Variants in PDGFD observed in about 807,000 individuals in gnomAD.
PDGFD encodes the protein platelet derived growth factor D, also known as platelet-derived growth factor D.
In PDGFD, 30 loss-of-function variants were observed where a neutral mutation model predicts 44.7. The observed-to-expected ratio is 0.67, with a 90% CI of 0.50 to 0.91. The LOEUF is 0.91. Ranked by LOEUF, PDGFD falls within the 40% of genes least tolerant of loss-of-function variation. The pLI is 0.00. For synonymous variants in PDGFD, 173 were observed against 168.4 expected (o/e 1.03, Z -0.21); for missense variants, 445 against 457.8 (o/e 0.97, Z 0.25).
At chr11:104,032,193 AAC>A (rs1265003206) in intron 1 of PDGFD, among the ~76,000 whole-genome samples, 7 of 151,896 alleles carry the variant, frequency 4.6e-5, no homozygotes, top group Non-Finnish European at 5.9e-5. Flanking sequence ...CAACAACAAC[AAC>A]AAAAATAATG....
Position 103,909,477 on chromosome 11 carries a change from T to A in PDGFD, c.*217A>T. 1 of 537,056 alleles carries A rather than the reference T, an allele frequency of 1.9e-6. No individual in the cohort carries two copies. The highest frequency in any genetic ancestry group is 2.4e-5 in the South Asian group (1 of 42,116). The allele number at this position is 537,056 out of a possible 1,614,324, so 33.3% of individuals were successfully genotyped here. A position where few individuals can be genotyped will look rare whatever the true frequency, so the allele number is the denominator to read the frequency against. On this transcript the variant is annotated 3_prime_UTR_variant, in exon 7 of 7. Transcript: ENST00000393158. The stretch of plus-strand genomic sequence containing the variant: ...GCATATATAACCTCAAACACTATTA[T>A]TAAATGCAATCCTATATTCTTAGGT...
At chr11:104,097,466 T>C (rs1175796799) in intron 1 of PDGFD, among the ~76,000 whole-genome samples, 1 of 152,122 alleles carries the variant, frequency 6.6e-6, no homozygotes, top group Non-Finnish European at 1.5e-5. Flanking sequence ...AAGGAAATAA[T>C]AGCACCTACC....
chr11:104,081,298 T>G (rs1861042106), intron 1 of PDGFD, among the ~76,000 whole-genome samples: 1 of 152,208 alleles, frequency 6.6e-6, no homozygotes, highest in Non-Finnish European at 1.5e-5. Context: ...AAAAGATTTA[T>G]GCATAATCCT....
rs1335509651 is a variant in PDGFD at position 104,119,429 on chromosome 11, AATATATTG to A, written c.124+44367_124+44374del. Among the ~76,000 whole-genome samples, 159 of 59,290 alleles carry A rather than the reference AATATATTG, an allele frequency of 2.7e-3. 40 individuals carry two copies. The highest frequency in any genetic ancestry group is 2.8e-3 in the Non-Finnish European group (99 of 34,864). 38.9% of individuals were successfully genotyped at this position (59,290 alleles called of 152,430 possible). Reference sequence around the variant, plus strand: ...AATATAATATATTGATATAATATATAATATATTGATATAATATATTGATATAATATATA... The same window carrying A: ...AATATAATATATTGATATAATATATAATATAATATATTGATATAATATATA... On this transcript the variant is annotated intron_variant, in intron 1 of 6. Transcript: ENST00000393158.
intron 3 of PDGFD, among the ~76,000 whole-genome samples, chr11:103,948,338 C>A (rs570473516): frequency 6.6e-6 from 1 of 152,132 alleles, no homozygotes; most frequent in African/African-American, 2.4e-5. Context: ...CTAAGTACTG[C>A]CCATTTGGGG....
At chr11:103,968,501 G>A (rs1032699436) in intron 3 of PDGFD, among the ~76,000 whole-genome samples, 1 of 151,960 alleles carries the variant, frequency 6.6e-6, no homozygotes, top group African/African-American at 2.4e-5. Flanking sequence ...TCTCTTCACC[G>A]AATTGTGCAT....
chr11:104,125,794 T>C lies in PDGFD; in HGVS notation c.124+38010A>G, dbSNP rs144447391. 3.9e-3 allele frequency among the ~76,000 whole-genome samples: 595 copies of C among 152,284 alleles called. 2 individuals are homozygous for C. The highest frequency in any genetic ancestry group is 7.8e-3 in the Admixed American group (119 of 15,296). ...AACTTCCTATAATTTTATTAGCAAA[T>C]GCACGGCATGACCACTCCTGATGCT... On this transcript the variant is annotated intron_variant, in intron 1 of 6. Coordinates refer to ENST00000393158, the MANE Select transcript of PDGFD (RefSeq NM_025208.5).
chr11:103,946,036 T>C (rs1190067211), intron 4 of PDGFD: 1 of 152,216 alleles, frequency 6.6e-6, no homozygotes, highest in African/African-American at 2.4e-5. Flanking sequence ...AAAGAACTAA[T>C]TTAATGTGTC....
At chr11:104,070,029 A>T (rs1047822661) in intron 1 of PDGFD, among the ~76,000 whole-genome samples, 2 of 152,112 alleles carry the variant, frequency 1.3e-5, no homozygotes, top group Non-Finnish European at 2.9e-5. Context: ...AAGCCCCTAC[A>T]TGTTGGACTT....
chr11:103,946,836 G>C (rs1204549828), intron 4 of PDGFD, among the ~76,000 whole-genome samples: 1 of 152,140 alleles, frequency 6.6e-6, no homozygotes, highest in Non-Finnish European at 1.5e-5. Context: ...ATAATTCATA[G>C]TGGAGGGAAT....
rs1565347744 is a variant in PDGFD, at chr11:104,144,538, A to AACC, written c.124+19265_124+19266insGGT. The stretch of plus-strand genomic sequence containing the variant: ...AAAAAAAAAAAAAAAACCCAACAAA[A>AACC]CAAAACAAACAAACAAAAAGGCCAA... On this transcript the variant is annotated intron_variant, in intron 1 of 6. Coordinates refer to ENST00000393158, the MANE Select transcript of PDGFD (RefSeq NM_025208.5). 1.3e-3 allele frequency among the ~76,000 whole-genome samples: 181 copies of AACC among 134,200 alleles called. 2 individuals are homozygous for AACC. The highest frequency in any genetic ancestry group is 2.6e-3 in the African/African-American group (83 of 32,330). 88.0% of individuals were successfully genotyped at this position (134,200 alleles called of 152,430 possible).
intron 3 of PDGFD, among the ~76,000 whole-genome samples, chr11:103,958,376 T>A (rs201974277): frequency 1.3e-5 from 2 of 152,216 alleles, no homozygotes; most frequent in African/African-American, 4.8e-5. Flanking sequence ...ATAAATTCCT[T>A]AAATGCATTT....
chr11:104,080,460 A>G (rs1175152277), intron 1 of PDGFD, among the ~76,000 whole-genome samples: 1 of 152,220 alleles, frequency 6.6e-6, no homozygotes, highest in African/African-American at 2.4e-5. Flanking sequence ...TTAATATGCA[A>G]AATATACCAG....
At chr11:104,057,672 A>C (rs1051393013) in intron 1 of PDGFD, among the ~76,000 whole-genome samples, 1 of 152,216 alleles carries the variant, frequency 6.6e-6, no homozygotes, top group Non-Finnish European at 1.5e-5. Context: ...CCCTGAATCT[A>C]AAATAAAAGT....
chr11:104,038,620 C>A (rs1240447956), intron 1 of PDGFD: 3 of 167,104 alleles, frequency 1.8e-5, no homozygotes, highest in Non-Finnish European at 4.4e-5. Context: ...AGTCACCCTG[C>A]AATCCACAGC....
At chr11:104,109,038 T>C (rs111277704) in intron 1 of PDGFD, among the ~76,000 whole-genome samples, 14,141 of 114,938 alleles carry the variant, frequency 0.12, 837 homozygotes, top group East Asian at 0.37. Context: ...ACATCACACA[T>C]CGGGGCCTGT....
chr11:103,983,882 A>G (rs1227573617), intron 3 of PDGFD, among the ~76,000 whole-genome samples: 1 of 151,846 alleles, frequency 6.6e-6, no homozygotes, highest in African/African-American at 2.4e-5. Context: ...CAGAATGGTT[A>G]TTAGTAAAAA....
At chr11:104,102,514 G>C in intron 1 of PDGFD, among the ~76,000 whole-genome samples, 1 of 152,204 alleles carries the variant, frequency 6.6e-6, no homozygotes, top group Non-Finnish European at 1.5e-5. Context: ...GTGGAAGTCA[G>C]TTTGGCCATT....
intron 1 of PDGFD, among the ~76,000 whole-genome samples, chr11:104,160,284 G>T (rs1014616392): frequency 1.3e-5 from 2 of 152,150 alleles, no homozygotes; most frequent in African/African-American, 2.4e-5. Flanking sequence ...TTTCAGAATT[G>T]TTTACCACCA....
Sources: allele counts gnomAD v4.1 joint callset (sites outside exome capture counted in the v4.1 genomes callset), GRCh38; gene constraint gnomAD v4.1.1; transcripts MANE v1.5; gene names NCBI Gene and HGNC (gene_info 2026-07-23, HGNC 2026-07-21).